DOCK10: variants seen among roughly 807,000 people sequenced by gnomAD.
The protein encoded by DOCK10 is dedicator of cytokinesis protein 10.
In DOCK10, 145 loss-of-function variants were observed where a neutral mutation model predicts 280.1. The ratio of observed to expected loss-of-function variants is 0.52; its 90% CI spans 0.45 to 0.59. The LOEUF (loss-of-function observed/expected upper bound fraction) is 0.59, where lower values mean the gene tolerates loss of function less well. DOCK10 is among the 20% of genes least tolerant of loss of function. The pLI is 0.00. For synonymous variants in DOCK10, 915 were observed against 942.2 expected, an observed-to-expected ratio of 0.97 and a Z score of 0.53; for missense variants, 2,368 against 2,651.7, an observed-to-expected ratio of 0.89 and a Z score of 2.35.
chr2:224,954,752 T>A (rs893327835), intron 1 of DOCK10, among the ~76,000 whole-genome samples: 2 of 152,256 alleles, frequency 1.3e-5, no homozygotes, highest in African/African-American at 4.8e-5. Context: ...TACAAAGGCA[T>A]GCAGCTAATT....
chr2:224,937,387 G>C (rs151133473), intron 1 of DOCK10, among the ~76,000 whole-genome samples: 111 of 152,254 alleles, frequency 7.3e-4, no homozygotes, highest in African/African-American at 2.4e-3. Context: ...TTTATTTGAA[G>C]ATGATTGAAA....
intron 2 of DOCK10, among the ~76,000 whole-genome samples, chr2:224,920,869 C>A (rs1365995756): frequency 6.6e-6 from 1 of 150,928 alleles, no homozygotes; most frequent in African/African-American, 2.4e-5. Flanking sequence ...TCCAAATTGG[C>A]TCCATCATAT....
chr2:224,920,504 C>A (rs1701643022), intron 2 of DOCK10, among the ~76,000 whole-genome samples: 1 of 151,720 alleles, frequency 6.6e-6, no homozygotes, highest in South Asian at 2.1e-4. Flanking sequence ...AAGAACCATG[C>A]CTAAATTGAG....
rs1363659960 is a variant in DOCK10 at position 224,970,924 on chromosome 2, G to T, written c.124-39256C>A. Reference sequence around the variant, plus strand: ...CACTTAAAATTCTGCACATACCTTGGAACTATAGCTCATTATTTCTGGATT... The same window carrying T: ...CACTTAAAATTCTGCACATACCTTGTAACTATAGCTCATTATTTCTGGATT... On this transcript the variant is annotated intron_variant, in intron 1 of 55. Transcript: ENST00000258390. This position sits in a 1 kb window ranked among gnomAD's most constrained non-coding sequence, Gnocchi z 4.6. 6.6e-6 allele frequency among the ~76,000 whole-genome samples: 1 copy of T among 152,062 alleles called. No homozygotes were observed. Among genetic ancestry groups the T allele is most frequent in the African/African-American group, 2.4e-5 (1 of 41,390 alleles).
intron 47 of DOCK10, among the ~76,000 whole-genome samples, chr2:224,791,012 C>T (rs1351274527): frequency 2.6e-5 from 4 of 152,130 alleles, no homozygotes; most frequent in African/African-American, 4.8e-5. Flanking sequence ...AAAGTTTACT[C>T]AACAAATATA....
intron 8 of DOCK10, 105 bp downstream of exon 8, chr2:224,875,933 G>A: frequency 8.7e-7 from 1 of 1,145,564 alleles, no homozygotes; most frequent in East Asian, 2.4e-5. Context: ...GCCCCAGGAT[G>A]GATGAGCTAG....
At chr2:225,038,049 C>A (rs986782513) in intron 1 of DOCK10, among the ~76,000 whole-genome samples, 1 of 152,098 alleles carries the variant, frequency 6.6e-6, no homozygotes, top group African/African-American at 2.4e-5. Context: ...ACCATAAACA[C>A]CCTTGTCATA....
At chr2:224,769,720 C>T (rs1690287937) in intron 55 of DOCK10, among the ~76,000 whole-genome samples, 1 of 152,118 alleles carries the variant, frequency 6.6e-6, no homozygotes, top group African/African-American at 2.4e-5. Flanking sequence ...TGAGTTTTAT[C>T]TGAATTCTGC....
chr2:225,039,860 G>A (rs1690369219), intron 1 of DOCK10, among the ~76,000 whole-genome samples: 1 of 152,178 alleles, frequency 6.6e-6, no homozygotes, highest in Admixed American at 6.5e-5. Context: ...AGGGATTTCA[G>A]AAAGGGGAAT....
At chr2:224,855,109 A>ATTCCAATT in intron 15 of DOCK10, 67 bp from the exon 16 acceptor site, 1 of 1,025,090 alleles carries the variant, frequency 9.8e-7, no homozygotes, top group Non-Finnish European at 1.4e-6. Flanking sequence ...ACAGAGTATT[A>ATTCCAATT]TTCCAATTTT....
At position 224,837,811 on chromosome 2, in the gene DOCK10, G is replaced by A. The variant is rs1035653608; in HGVS notation, c.2801C>T (p.Ala934Val). 6 of 1,613,756 alleles carry A rather than the reference G, an allele frequency of 3.7e-6. No homozygotes were observed. Among genetic ancestry groups the A allele is most frequent in the African/African-American group, 1.3e-5 (1 of 74,898 alleles). ...TVTRVLTDIV[A>V]KCHEEQLDHS... ...ATCCAGCTGCTCCTCATGGCACTTG[G>A]CCACAATGTCGGTCAGAACCCTGCA... Residue 934 changes from alanine (A) to valine (V), a missense_variant, in exon 25 of 56, where the codon GCC (alanine) becomes GTC (valine). Physicochemically the swap from Ala to Val is moderately conservative, Grantham distance 64. This residue lies in a region of DOCK10 where 1,209 missense variants were observed against 1,250.9 expected (regional missense o/e 0.97). Coordinates refer to ENST00000258390, the MANE Select transcript of DOCK10 (RefSeq NM_014689.3).
chr2:224,844,618 T>A (rs1191344240), intron 22 of DOCK10, 135 bp downstream of exon 22: 3 of 644,488 alleles, frequency 4.7e-6, no homozygotes, highest in Non-Finnish European at 8.3e-6. Context: ...CCCTTAACAT[T>A]CTTCCTTTGT....
intron 4 of DOCK10, among the ~76,000 whole-genome samples, chr2:224,895,329 T>C (rs1290814371): frequency 6.6e-6 from 1 of 152,212 alleles, no homozygotes; most frequent in African/African-American, 2.4e-5. Context: ...ATCCAATGTG[T>C]ATCATATCAG....
intron 1 of DOCK10, among the ~76,000 whole-genome samples, chr2:224,996,486 GC>G (rs1280456312): frequency 6.6e-6 from 1 of 152,180 alleles, no homozygotes; most frequent in Admixed American, 6.5e-5. Flanking sequence ...CAGTTAGGAT[GC>G]CCATATAATT....
chr2:224,803,185 T>G (rs1693132456), intron 39 of DOCK10, among the ~76,000 whole-genome samples: 1 of 152,050 alleles, frequency 6.6e-6, no homozygotes, highest in African/African-American at 2.4e-5. Flanking sequence ...CCACCACACA[T>G]CTACAAAACT....
rs1347502331 is a variant in DOCK10, at chr2:224,849,544, A to T, written c.2198T>A (p.Val733Asp). Reference sequence around the variant, plus strand: ...ATCCGGATTCTGAGAGTGGTGCAGAACTGCTGTGTAGGCGGCTGAGGTGAA... The same window carrying T: ...ATCCGGATTCTGAGAGTGGTGCAGATCTGCTGTGTAGGCGGCTGAGGTGAA... The part of the protein sequence containing the change: ...PLFTSAAYTA[V>D]LHHSQNPDFS... Residue 733 changes from valine (V) to aspartate (D), a missense_variant, in exon 19 of 56, where the codon GTT becomes GAT. Physicochemically the swap from Val to Asp is radical, Grantham distance 152 (BLOSUM62 -3). This residue lies in a region of DOCK10 where 1,209 missense variants were observed against 1,250.9 expected (regional missense o/e 0.97). Coordinates refer to ENST00000258390, the MANE Select transcript of DOCK10 (RefSeq NM_014689.3). 1 of 1,612,436 alleles carries T rather than the reference A, an allele frequency of 6.2e-7. No homozygotes were observed. The highest frequency in any genetic ancestry group is 8.5e-7 in the Non-Finnish European group (1 of 1,179,332).
chr2:224,901,230 T>C (rs1575023833), intron 3 of DOCK10, among the ~76,000 whole-genome samples: 1 of 152,318 alleles, frequency 6.6e-6, no homozygotes, highest in East Asian at 1.9e-4. Context: ...GCTGAAATGA[T>C]CTGTTGCAAA....
intron 4 of DOCK10, among the ~76,000 whole-genome samples, chr2:224,891,088 T>A (rs1699630490): frequency 6.6e-6 from 1 of 151,984 alleles, no homozygotes; most frequent in Admixed American, 6.6e-5. Flanking sequence ...GATGGATGGA[T>A]GGATGGATGG....
chr2:224,933,014 T>A (rs1702484539), intron 1 of DOCK10, among the ~76,000 whole-genome samples: 1 of 152,086 alleles, frequency 6.6e-6, no homozygotes, highest in Non-Finnish European at 1.5e-5. Context: ...TTAAGGAAAC[T>A]AAGGGTAATG....
Sources: gnomAD v4.1 joint callset for allele counts (sites outside exome capture counted in the v4.1 genomes callset) on GRCh38, gnomAD v4.1.1 for gene constraint, gnomAD v4.1.1 regional missense constraint, Gnocchi (gnomAD v3.1) non-coding constraint, MANE v1.5 for transcripts, NCBI Gene and HGNC (gene_info 2026-07-23, HGNC 2026-07-21) for gene names.